Variants in TRPC4 observed in about 807,000 individuals in gnomAD.
TRPC4 encodes the protein transient receptor potential cation channel subfamily C member 4, also known as short transient receptor potential channel 4.
In TRPC4, 49 loss-of-function variants were observed where a neutral mutation model predicts 99.4. The observed-to-expected ratio is 0.49, with a 90% CI of 0.39 to 0.63. The LOEUF is 0.63. Ranked by LOEUF, TRPC4 falls within the 20% of genes least tolerant of loss-of-function variation. The probability of loss-of-function intolerance (pLI) is 0.00; values close to 1 mark genes in which losing one functional copy is unlikely to be tolerated. For synonymous variants in TRPC4, 454 were observed against 425.9 expected, an observed-to-expected ratio of 1.07 and a Z score of -0.81; for missense variants, 898 against 1,152.9, an observed-to-expected ratio of 0.78 and a Z score of 3.20.
chr13:37,748,779 T>A (rs1452835298), intron 2 of TRPC4, among the ~76,000 whole-genome samples: 1 of 151,842 alleles, frequency 6.6e-6, no homozygotes. Context: ...AGCATACATT[T>A]TTTTCAAAAA....
chr13:37,865,463 A>G (rs1192542845), intron 1 of TRPC4, among the ~76,000 whole-genome samples: 2 of 151,142 alleles, frequency 1.3e-5, no homozygotes, highest in South Asian at 4.2e-4. Context: ...TTTTCTTTTT[A>G]CATGTATTAG....
Position 37,796,400 on chromosome 13 carries a change from C to T in TRPC4, c.-27-13040G>A, listed in dbSNP as rs550962246. ...GTCATGTGGGCTTTGTAAATATGTT[C>T]GCTACCTGATGCTCAGTTTTCCTTA... On this transcript the variant is annotated intron_variant, in intron 1 of 10. Coordinates refer to ENST00000379705, the MANE Select transcript of TRPC4 (RefSeq NM_016179.4). Among the ~76,000 whole-genome samples the T allele has an allele frequency of 1.1e-4, 16 of 152,188 alleles. No homozygotes were observed. In the South Asian group the frequency reaches 2.7e-3, roughly 26 times the overall value.
At chr13:37,740,638 G>T (rs1955556315) in intron 3 of TRPC4, among the ~76,000 whole-genome samples, 1 of 152,130 alleles carries the variant, frequency 6.6e-6, no homozygotes, top group Non-Finnish European at 1.5e-5. Context: ...CACCCTATGT[G>T]TTTCCTCTGT....
chr13:37,744,682 C>A (rs769345037), intron 3 of TRPC4, among the ~76,000 whole-genome samples: 9 of 152,122 alleles, frequency 5.9e-5, no homozygotes, highest in Non-Finnish European at 8.8e-5. Flanking sequence ...TCAAAAGAAA[C>A]TGAGTACATT....
At chr13:37,641,893 G>A (rs1353435444) in intron 8 of TRPC4, among the ~76,000 whole-genome samples, 1 of 152,064 alleles carries the variant, frequency 6.6e-6, no homozygotes, top group Non-Finnish European at 1.5e-5. Flanking sequence ...TGTCCTCTTT[G>A]CATTTTTTTC....
chr13:37,648,706 G>C (rs1052011840), intron 8 of TRPC4, among the ~76,000 whole-genome samples: 1 of 152,170 alleles, frequency 6.6e-6, no homozygotes, highest in African/African-American at 2.4e-5. Flanking sequence ...TTAACTCTGA[G>C]AATGAATCAC....
intron 3 of TRPC4, among the ~76,000 whole-genome samples, chr13:37,707,478 C>T (rs1954322849): frequency 6.6e-6 from 1 of 152,140 alleles, no homozygotes; most frequent in African/African-American, 2.4e-5. Context: ...TTAAATGTCA[C>T]AGTCACAAGA....
intron 2 of TRPC4, among the ~76,000 whole-genome samples, chr13:37,748,472 T>C (rs1374915623): frequency 1.3e-5 from 2 of 152,118 alleles, no homozygotes; most frequent in Admixed American, 6.5e-5. Flanking sequence ...CAGAATGGCA[T>C]ACATTTTTTT....
Position 37,685,323 on chromosome 13 carries a change from A to T in TRPC4, c.1234+6676T>A, listed in dbSNP as rs117447886. 4.1e-3 allele frequency among the ~76,000 whole-genome samples: 621 copies of T among 152,032 alleles called. 37 individuals are homozygous for T. In the East Asian group the frequency reaches 0.11, roughly 26 times the overall value. On this transcript the variant is annotated intron_variant, in intron 4 of 10. Coordinates refer to ENST00000379705, the MANE Select transcript of TRPC4 (RefSeq NM_016179.4). The stretch of plus-strand genomic sequence containing the variant: ...GAAAGGATAAAGAATCTAGATCTAG[A>T]CTTACATTGACTGGAATTTGAATCT...
intron 1 of TRPC4, among the ~76,000 whole-genome samples, chr13:37,830,367 A>C (rs904804118): frequency 6.6e-6 from 1 of 152,110 alleles, no homozygotes; most frequent in East Asian, 1.9e-4. Flanking sequence ...GAATGAATAT[A>C]AACATGTTGT....
At chr13:37,769,260 G>A in intron 2 of TRPC4, among the ~76,000 whole-genome samples, 1 of 151,222 alleles carries the variant, frequency 6.6e-6, no homozygotes, top group East Asian at 2.0e-4. Context: ...TATTCACCAG[G>A]TGGCAGTCTT....
intron 1 of TRPC4, among the ~76,000 whole-genome samples, chr13:37,802,878 T>G (rs968106585): frequency 6.6e-6 from 1 of 152,132 alleles, no homozygotes; most frequent in Non-Finnish European, 1.5e-5. Context: ...CATTTCTTAC[T>G]GTTGTATTCT....
At chr13:37,781,506 C>T (rs1956839854) in intron 2 of TRPC4, among the ~76,000 whole-genome samples, 2 of 152,004 alleles carry the variant, frequency 1.3e-5, no homozygotes, top group African/African-American at 4.8e-5. Flanking sequence ...TTCTGTATCT[C>T]CTTAGTGGTG....
chr13:37,797,098 T>C (rs905603356), intron 1 of TRPC4, among the ~76,000 whole-genome samples: 9 of 151,756 alleles, frequency 5.9e-5, no homozygotes, highest in African/African-American at 2.2e-4. Context: ...GAGGATTGCT[T>C]TAGCCCAGGA....
chr13:37,842,536 A>G (rs750345224), intron 1 of TRPC4, among the ~76,000 whole-genome samples: 1 of 152,100 alleles, frequency 6.6e-6, no homozygotes, highest in South Asian at 2.1e-4. Flanking sequence ...CAAAATTTTT[A>G]TCTCATAGCT....
chr13:37,728,809 T>A (rs1425231994), intron 3 of TRPC4, among the ~76,000 whole-genome samples: 1 of 152,056 alleles, frequency 6.6e-6, no homozygotes, highest in Non-Finnish European at 1.5e-5. Flanking sequence ...ATGAAAACAT[T>A]AGCACTGGCA....
chr13:37,812,180 A>C (rs1254788573), intron 1 of TRPC4, among the ~76,000 whole-genome samples: 2 of 145,652 alleles, frequency 1.4e-5, no homozygotes, highest in African/African-American at 2.6e-5. Context: ...CTCTATCAAA[A>C]AAAAAAAAAA....
At chr13:37,716,328 C>T (rs1161757226) in intron 3 of TRPC4, among the ~76,000 whole-genome samples, 1 of 152,040 alleles carries the variant, frequency 6.6e-6, no homozygotes, top group African/African-American at 2.4e-5. Context: ...GATGAGGTAC[C>T]TTCTGTTAGA....
rs576848605 is a variant in TRPC4 at position 37,635,449 on chromosome 13, G to A, written c.*1454C>T. Among the ~76,000 whole-genome samples, 177 of 152,220 alleles carry A rather than the reference G, an allele frequency of 1.2e-3. 1 individual carries two copies. Among genetic ancestry groups the A allele is most frequent in the African/African-American group, 4.2e-3 (173 of 41,544 alleles). ...GTGTATAGGAATAGAACAGAGGCTGGCATTGTTATTGCTGTTATTCCTTAT... is the reference window on the plus strand; with the variant it reads ...GTGTATAGGAATAGAACAGAGGCTGACATTGTTATTGCTGTTATTCCTTAT... On this transcript the variant is annotated 3_prime_UTR_variant, in exon 11 of 11. Transcript: ENST00000379705.
Sources: allele counts gnomAD v4.1 joint callset (sites outside exome capture counted in the v4.1 genomes callset), GRCh38; gene constraint gnomAD v4.1.1; transcripts MANE v1.5; gene names NCBI Gene and HGNC (gene_info 2026-07-23, HGNC 2026-07-21).